Variants in UBE2Z observed in about 807,000 individuals in gnomAD.
UBE2Z encodes the protein ubiquitin conjugating enzyme E2 Z.
A neutral mutation model predicts 32.6 loss-of-function variants in UBE2Z; 10 were observed. The ratio of observed to expected loss-of-function variants is 0.31; its 90% CI spans 0.19 to 0.52. The LOEUF (loss-of-function observed/expected upper bound fraction) is 0.52. UBE2Z is among the 20% of genes least tolerant of loss of function. The pLI is 0.97. For synonymous variants in UBE2Z, 183 were observed against 190.8 expected, an observed-to-expected ratio of 0.96 and a Z score of 0.34; for missense variants, 343 against 480.9, an observed-to-expected ratio of 0.71 and a Z score of 2.68.
chr17:48,923,298 A>G (rs8070060), intron 6 of UBE2Z, among the ~76,000 whole-genome samples: 63,324 of 139,522 alleles, frequency 0.45, 15,700 homozygotes, highest in East Asian at 0.74. Context: ...TTCAGCCTGG[A>G]CAACAGACCG....
chr17:48,908,767 C>T lies in UBE2Z; in HGVS notation c.264C>T (p.Ser88=). The change falls in exon 1 of 7, where the codon AGC becomes AGT. Residue 88 remains serine, a synonymous_variant. Transcript: ENST00000360943. ...TTAGCCACTGGGACCCCACGCTCAG[C>T]TCCGACTGGGACGGCGAGCGCACCG... is the stretch of plus-strand genomic sequence containing the variant. ...ALLSHWDPTL[S]SDWDGERTAP... 6.6e-7 allele frequency: 1 copy of T among 1,507,476 alleles called. No individual in the cohort carries two copies. Among genetic ancestry groups the T allele is most frequent in the Non-Finnish European group, 8.8e-7 (1 of 1,132,914 alleles). The allele number at this position is 1,507,476 out of a possible 1,614,324, so 93.4% of individuals were successfully genotyped here.
chr17:48,922,760 C>T, intron 5 of UBE2Z, 87 bp from the exon 6 acceptor site: 3 of 1,007,086 alleles, frequency 3.0e-6, no homozygotes, highest in Non-Finnish European at 4.4e-6. Flanking sequence ...GAGCAAGACT[C>T]CATCTGAAAA....
intron 5 of UBE2Z, 63 bp from the exon 6 acceptor site, chr17:48,922,784 G>C: frequency 7.4e-7 from 1 of 1,352,118 alleles, no homozygotes; most frequent in Non-Finnish European, 1.0e-6. Context: ...AAAAAGGTTA[G>C]GTAAGGAAGG....
chr17:48,910,663 C>A, intron 1 of UBE2Z, 145 bp from the exon 2 acceptor site: 3 of 666,728 alleles, frequency 4.5e-6, no homozygotes, highest in Non-Finnish European at 2.7e-6. Context: ...TCTCAGCCAA[C>A]AAGACAGTAC....
chr17:48,925,296 A>G (rs1164064356), intron 6 of UBE2Z, among the ~76,000 whole-genome samples: 1 of 151,664 alleles, frequency 6.6e-6, no homozygotes, highest in Non-Finnish European at 1.5e-5. Context: ...AAAAAAAAAA[A>G]AAGAAAGAAA....
intron 1 of UBE2Z, 88 bp downstream of exon 1, chr17:48,908,908 C>A (rs541264683): frequency 3.8e-6 from 4 of 1,042,468 alleles, no homozygotes; most frequent in Admixed American, 4.5e-5. Flanking sequence ...ACTCACCCCC[C>A]ACCCACTGCG....
intron 3 of UBE2Z, among the ~76,000 whole-genome samples, chr17:48,915,316 C>G (rs2040710916): frequency 6.6e-6 from 1 of 152,130 alleles, no homozygotes; most frequent in South Asian, 2.1e-4. Context: ...AGCAGGCAGT[C>G]AACTTGAACA....
At chr17:48,914,924 G>A (rs1432081897) in intron 3 of UBE2Z, among the ~76,000 whole-genome samples, 1 of 152,124 alleles carries the variant, frequency 6.6e-6, no homozygotes, top group East Asian at 1.9e-4. Context: ...GGGAGGCTGA[G>A]GCACAAGAAT....
chr17:48,920,497 CA>C (rs2040751744), intron 4 of UBE2Z, among the ~76,000 whole-genome samples: 1 of 151,662 alleles, frequency 6.6e-6, no homozygotes, highest in African/African-American at 2.4e-5. Flanking sequence ...CTCAAAAAAA[CA>C]AATAAATAAT....
intron 1 of UBE2Z, 53 bp downstream of exon 1, chr17:48,908,873 C>G: frequency 5.3e-6 from 6 of 1,124,464 alleles, no homozygotes; most frequent in Non-Finnish European, 6.7e-6. Context: ...TCGACCTTCC[C>G]CGCCCCCCAC....
intron 4 of UBE2Z, among the ~76,000 whole-genome samples, chr17:48,920,454 G>A (rs554526632): frequency 3.3e-4 from 50 of 152,184 alleles, no homozygotes; most frequent in African/African-American, 1.2e-3. Flanking sequence ...CTGAGATCGT[G>A]CCATTGCACT....
chr17:48,908,855 T>C, intron 1 of UBE2Z, 35 bp downstream of exon 1: 1 of 1,433,846 alleles, frequency 7.0e-7, no homozygotes, highest in Non-Finnish European at 9.2e-7. Flanking sequence ...AGCCCCGAGC[T>C]CCGGGGCTCG....
chr17:48,908,787 G>T lies in UBE2Z; in HGVS notation c.284G>T (p.Arg95Leu). The change falls in exon 1 of 7, where the codon CGC becomes CTC. Residue 95 changes from arginine (R) to leucine (L), a missense_variant. Around this residue, in one of 4 missense-constraint regions of UBE2Z, gnomAD observed 55 missense variants for 56.2 expected, o/e 0.98. Transcript: ENST00000360943. ...PTLSSDWDGERTAPQCLLRIK... is the reference protein window; with the variant it reads ...PTLSSDWDGELTAPQCLLRIK... ...CTCAGCTCCGACTGGGACGGCGAGC[G>T]CACCGCGCCGCAGTGTCTACTCCGG... 6.6e-7 allele frequency: 1 copy of T among 1,506,616 alleles called. No individual in the cohort carries two copies. The allele number at this position is 1,506,616 out of a possible 1,614,324, so 93.3% of individuals were successfully genotyped here.
intron 6 of UBE2Z, among the ~76,000 whole-genome samples, chr17:48,925,176 A>C (rs1030251720): frequency 6.6e-6 from 1 of 151,242 alleles, no homozygotes; most frequent in African/African-American, 2.4e-5. Flanking sequence ...CCAGCTACTT[A>C]GGAGACTGAG....
rs759156574 is a variant in UBE2Z, at chr17:48,921,148, G to A, written c.691-12G>A. On this transcript the variant is annotated splice_polypyrimidine_tract_variant and intron_variant, in intron 4 of 6. Transcript: ENST00000360943. ...TAATTTTTGGAATACTCTGGCATCT[G>A]TTACATTATAGGAGAGACATCCAGG... 22 of 1,602,130 alleles carry A rather than the reference G, an allele frequency of 1.4e-5. No homozygotes were observed. The highest frequency in any genetic ancestry group is 3.4e-5 in the Admixed American group (2 of 58,090).
intron 6 of UBE2Z, among the ~76,000 whole-genome samples, chr17:48,926,697 T>C (rs1183230581): frequency 3.3e-5 from 5 of 152,108 alleles, no homozygotes; most frequent in Non-Finnish European, 2.9e-5. Flanking sequence ...GTCAGGCTGG[T>C]CTCAAACTCC....
Position 48,908,839 on chromosome 17 carries a change from TC to T in UBE2Z, c.317+24del. 4 of 1,472,696 alleles carry T rather than the reference TC, an allele frequency of 2.7e-6. No homozygotes were observed. Among genetic ancestry groups the T allele is most frequent in the Non-Finnish European group, 3.6e-6 (4 of 1,114,394 alleles). 91.2% of individuals were successfully genotyped at this position (1,472,696 alleles called of 1,614,324 possible). A position where few individuals can be genotyped will look rare whatever the true frequency, so the allele number is the denominator to read the frequency against. On this transcript the variant is annotated intron_variant, in intron 1 of 6. Coordinates refer to ENST00000360943, the MANE Select transcript of UBE2Z (RefSeq NM_023079.5). ...TCAAGCGGTGAGCCGGGGTTTTTCC[TC>T]CCCCAGCCCCGAGCTCCGGGGCTCG...
rs2040811628 is a variant in UBE2Z, at chr17:48,928,371, A to G, written c.*1237A>G. On this transcript the variant is annotated 3_prime_UTR_variant, in exon 7 of 7. Transcript: ENST00000360943. ...AAAAATGTGCTTTAGGTGCCCTGTA[A>G]TCCTGGGCATCAAGGGAATCCATCC... The G allele has an allele frequency of 6.6e-6, 1 of 152,250 alleles. No individual in the cohort carries two copies. Among genetic ancestry groups the G allele is most frequent in the Non-Finnish European group, 1.5e-5 (1 of 68,006 alleles). 9.4% of individuals were successfully genotyped at this position (152,250 alleles called of 1,614,324 possible).
intron 2 of UBE2Z, 131 bp from the exon 3 acceptor site, chr17:48,912,703 T>C (rs1253540888): frequency 7.7e-6 from 7 of 903,414 alleles, no homozygotes; most frequent in Non-Finnish European, 1.0e-5. Context: ...TCCTTCTGCA[T>C]GGTGAGGATA....
Sources: gnomAD v4.1 joint callset for allele counts (sites outside exome capture counted in the v4.1 genomes callset) on GRCh38, gnomAD v4.1.1 for gene constraint, gnomAD v4.1.1 regional missense constraint, MANE v1.5 for transcripts, NCBI Gene and HGNC (gene_info 2026-07-23, HGNC 2026-07-21) for gene names.